STK32B: variants seen among roughly 807,000 people sequenced by gnomAD.
STK32B encodes the protein serine/threonine-protein kinase 32B.
A neutral mutation model predicts 52.6 loss-of-function variants in STK32B; 43 were observed. The ratio of observed to expected loss-of-function variants is 0.82; its 90% CI spans 0.64 to 1.05. STK32B has a LOEUF of 1.05. STK32B is among the 50% of genes least tolerant of loss of function. The pLI is 0.00. For missense variants in STK32B, 621 were observed against 534.6 expected, an observed-to-expected ratio of 1.16 and a Z score of -1.59; for synonymous variants, 238 against 204.3, an observed-to-expected ratio of 1.17 and a Z score of -1.41.
chr4:5,173,940 A>T lies in STK32B; in HGVS notation c.260+5490A>T, dbSNP rs1719605989. Reference sequence around the variant, plus strand: ...CCTATTATTATGGTGTGGGAGTCTAAGTCTCTTTGTAGGTCACTAAGGACT... The same window carrying T: ...CCTATTATTATGGTGTGGGAGTCTATGTCTCTTTGTAGGTCACTAAGGACT... On this transcript the variant is annotated intron_variant, in intron 3 of 11. Coordinates refer to ENST00000282908, the MANE Select transcript of STK32B (RefSeq NM_018401.3). 3.9e-5 allele frequency among the ~76,000 whole-genome samples: 6 copies of T among 152,160 alleles called. No homozygotes were observed. The South Asian group carries it at 1.2e-3, about 32-fold the overall frequency.
At chr4:5,494,500 G>T (rs1720039930) in intron 11 of STK32B, among the ~76,000 whole-genome samples, 1 of 152,154 alleles carries the variant, frequency 6.6e-6, no homozygotes, top group East Asian at 1.9e-4. Context: ...CCTGAATACA[G>T]CACATGGATG....
intron 3 of STK32B, among the ~76,000 whole-genome samples, chr4:5,322,986 C>T (rs1003340107): frequency 2.0e-5 from 3 of 152,182 alleles, no homozygotes; most frequent in Non-Finnish European, 4.4e-5. Flanking sequence ...GACCTTGGAC[C>T]AGTCAACCTC....
intron 5 of STK32B, among the ~76,000 whole-genome samples, chr4:5,405,193 C>G (rs927778834): frequency 6.6e-6 from 1 of 151,772 alleles, no homozygotes; most frequent in African/African-American, 2.4e-5. Context: ...GGCTTCCTAG[C>G]ACGGGACCCA....
At chr4:5,495,048 T>C (rs952038262) in intron 11 of STK32B, among the ~76,000 whole-genome samples, 12 of 152,164 alleles carry the variant, frequency 7.9e-5, no homozygotes, top group African/African-American at 2.9e-4. Flanking sequence ...CTGACAATTA[T>C]GTGTCTTGGA....
intron 4 of STK32B, among the ~76,000 whole-genome samples, chr4:5,343,680 C>A (rs1733253582): frequency 6.6e-6 from 1 of 152,150 alleles, no homozygotes; most frequent in African/African-American, 2.4e-5. Flanking sequence ...GACTTCATGT[C>A]TAAAACACCA....
intron 4 of STK32B, among the ~76,000 whole-genome samples, chr4:5,375,292 C>T (rs894812822): frequency 1.1e-4 from 16 of 152,188 alleles, no homozygotes; most frequent in African/African-American, 3.9e-4. Flanking sequence ...TGCCTGTACA[C>T]AGCCTGCTCC....
chr4:5,278,719 A>G (rs371825410), intron 3 of STK32B, among the ~76,000 whole-genome samples: 110 of 152,300 alleles, frequency 7.2e-4, no homozygotes, highest in African/African-American at 2.5e-3. Flanking sequence ...AGACTGGGTA[A>G]TTTATGGATA....
At position 5,456,804 on chromosome 4, in the gene STK32B, C is replaced by T. The variant is rs1452042433; in HGVS notation, c.667-3C>T. On this transcript the variant is annotated splice_region_variant and splice_polypyrimidine_tract_variant and intron_variant, in intron 7 of 11. Coordinates refer to ENST00000282908, the MANE Select transcript of STK32B (RefSeq NM_018401.3). ...GATTCTGGCTGTTGTTCTTTGATTG[C>T]AGAGGCCGTACGAAATCCACTCGGT... 2 of 1,566,450 alleles carry T rather than the reference C, an allele frequency of 1.3e-6. No homozygotes were observed. Among genetic ancestry groups the T allele is most frequent in the Non-Finnish European group, 1.7e-6 (2 of 1,151,356 alleles).
intron 3 of STK32B, among the ~76,000 whole-genome samples, chr4:5,233,935 A>G (rs1227580852): frequency 1.3e-5 from 2 of 152,034 alleles, no homozygotes; most frequent in African/African-American, 4.8e-5. Context: ...CGGAGTGTGC[A>G]CAAGTGCCCC....
chr4:5,234,175 G>T (rs754074528), intron 3 of STK32B, among the ~76,000 whole-genome samples: 1 of 152,156 alleles, frequency 6.6e-6, no homozygotes, highest in African/African-American at 2.4e-5. Flanking sequence ...TATTGGAAGC[G>T]TTGTGTAGTA....
chr4:5,355,905 G>T lies in STK32B; in HGVS notation c.434+24512G>T, dbSNP rs114311079. ...AGCTGGAGCCCTAAACCTTGATGAA[G>T]ACATTTCTAGGAGCAGCAGTGGAGG... On this transcript the variant is annotated intron_variant, in intron 4 of 11. Coordinates refer to ENST00000282908, the MANE Select transcript of STK32B (RefSeq NM_018401.3). 6.6e-3 allele frequency among the ~76,000 whole-genome samples: 1,012 copies of T among 152,258 alleles called. 8 individuals carry two copies. The highest frequency in any genetic ancestry group is 0.011 in the Non-Finnish European group (753 of 68,014).
At chr4:5,480,379 A>G (rs1225018869) in intron 11 of STK32B, among the ~76,000 whole-genome samples, 1 of 152,190 alleles carries the variant, frequency 6.6e-6, no homozygotes, top group African/African-American at 2.4e-5. Context: ...GGGAGGAATG[A>G]GACATCAATC....
rs575474973 is a variant in STK32B at position 5,470,779 on chromosome 4, A to G, written c.1106+2709A>G. ...AGCATTTTTACTTTAAACCAAGAAA[A>G]AAGTGAGACCTGTTTATCCTTCACT... On this transcript the variant is annotated intron_variant, in intron 11 of 11. Transcript: ENST00000282908. The surrounding 1 kb of genome is among the most constrained non-coding windows in gnomAD (Gnocchi z 4.6). 6.6e-6 allele frequency among the ~76,000 whole-genome samples: 1 copy of G among 152,374 alleles called. No individual in the cohort carries two copies. Among genetic ancestry groups the G allele is most frequent in the East Asian group, 1.9e-4 (1 of 5,184 alleles).
At chr4:5,045,746 A>G in the STK32B span, among the ~76,000 whole-genome samples, 1 of 152,162 alleles carries the variant, frequency 6.6e-6, no homozygotes, top group African/African-American at 2.4e-5. Flanking sequence ...CGAATTTTGC[A>G]CATTGATTTT....
intron 3 of STK32B, among the ~76,000 whole-genome samples, chr4:5,326,635 A>G (rs1201039266): frequency 2.6e-5 from 4 of 152,170 alleles, no homozygotes; most frequent in African/African-American, 7.2e-5. Context: ...AAGTGTACAT[A>G]CTTTCATCTA....
intron 1 of STK32B, among the ~76,000 whole-genome samples, chr4:5,076,608 A>G (rs1451606641): frequency 2.6e-5 from 4 of 152,160 alleles, no homozygotes; most frequent in Non-Finnish European, 5.9e-5. Context: ...CTGCATATTC[A>G]CAAGGCTGAT....
chr4:5,416,657 T>C (rs1405714516), intron 5 of STK32B, among the ~76,000 whole-genome samples, 188 bp from the exon 6 acceptor site: 9 of 152,194 alleles, frequency 5.9e-5, no homozygotes, highest in African/African-American at 2.2e-4. Context: ...TATGCATAAG[T>C]TACCAAATGA....
chr4:5,240,064 CTCTCTCTCTG>C (rs1458184905), intron 3 of STK32B, among the ~76,000 whole-genome samples: 1 of 151,432 alleles, frequency 6.6e-6, no homozygotes, highest in Non-Finnish European at 1.5e-5. Context: ...CTCTCTCTCT[CTCTCTCTCTG>C]TCTCTCTCTC....
intron 3 of STK32B, among the ~76,000 whole-genome samples, chr4:5,213,023 A>G (rs997964690): frequency 2.0e-5 from 3 of 152,178 alleles, no homozygotes; most frequent in African/African-American, 4.8e-5. Flanking sequence ...GCATGAATTC[A>G]CTTAGTTGTA....
Sources: gnomAD v4.1 joint callset for allele counts (sites outside exome capture counted in the v4.1 genomes callset) on GRCh38, gnomAD v4.1.1 for gene constraint, Gnocchi (gnomAD v3.1) non-coding constraint, MANE v1.5 for transcripts, NCBI Gene and HGNC (gene_info 2026-07-23, HGNC 2026-07-21) for gene names.